Variants in PALB2 observed in about 807,000 individuals in gnomAD.
The protein encoded by PALB2 is mutant partner and localizer of BRCA2.
PALB2 carries 82 observed loss-of-function variants against 107.4 expected under a neutral mutation model. That is an observed-to-expected ratio of 0.76 (90% CI 0.64 to 0.92). The LOEUF is 0.92. Ranked by LOEUF, PALB2 falls within the 40% of genes least tolerant of loss-of-function variation. The pLI, the probability that PALB2 is intolerant of heterozygous loss-of-function variation, is 0.00. For missense variants in PALB2, 1,374 were observed against 1,379.9 expected, an observed-to-expected ratio of 1.00 and a Z score of 0.07; for synonymous variants, 489 against 496.8, an observed-to-expected ratio of 0.98 and a Z score of 0.21.
At position 23,603,567 on chromosome 16, in the gene PALB2, G is replaced by C. The variant is rs777315394; in HGVS notation, c.3453C>G (p.Leu1151=). 1 of 1,613,970 alleles carries C rather than the reference G, an allele frequency of 6.2e-7. No individual in the cohort carries two copies. Among genetic ancestry groups the C allele is most frequent in the African/African-American group, 1.3e-5 (1 of 74,908 alleles). Residue 1151 remains leucine (L), a synonymous_variant, in exon 13 of 13, where the codon CTC becomes CTG. Coordinates refer to ENST00000261584, the MANE Select transcript of PALB2 (RefSeq NM_024675.4). ...DLLLGQCTAL[L]PPVSDQHWSF... ...ACCAATGTTGGTCAGAGACAGGTGG[G>C]AGGAGGGCAGTACACTGACCGAGAA... is the stretch of plus-strand genomic sequence containing the variant.
rs988399385 is a variant in PALB2, at chr16:23,641,266, C to T, written c.-109G>A. ...AGGCGCCCCAGGAAGGAATGGGGAG[C>T]CCGGGATCGCACCCTCAGTGCGCGA... On this transcript the variant is annotated 5_prime_UTR_variant, in exon 1 of 13. Transcript: ENST00000261584. 9 of 1,404,124 alleles carry T rather than the reference C, an allele frequency of 6.4e-6. No homozygotes were observed. The African/African-American group carries it at 1.3e-4, about 20-fold the overall frequency. 87.0% of individuals were successfully genotyped at this position (1,404,124 alleles called of 1,614,324 possible).
intron 6 of PALB2, among the ~76,000 whole-genome samples, chr16:23,628,575 T>C (rs1377133098): frequency 6.6e-6 from 1 of 152,204 alleles, no homozygotes; most frequent in Non-Finnish European, 1.5e-5. Context: ...CCAGAAACAT[T>C]ACACCATTTG....
intron 10 of PALB2, among the ~76,000 whole-genome samples, chr16:23,615,209 A>C (rs933040427): frequency 1.3e-5 from 2 of 151,938 alleles, no homozygotes; most frequent in Admixed American, 6.6e-5. Context: ...TCGGCCTCCC[A>C]AAGTGCTGGG....
At position 23,634,569 on chromosome 16, in the gene PALB2, T is replaced by C. The variant is rs1966935277; in HGVS notation, c.1684+293A>G. On this transcript the variant is annotated intron_variant, in intron 4 of 12. Coordinates refer to ENST00000261584, the MANE Select transcript of PALB2 (RefSeq NM_024675.4). ...TGGGAGGCTGAGGCAGGAGGAACAT[T>C]TGAGCCCAGGAGATAGAGGCTGCAC... Among the ~76,000 whole-genome samples, 3 of 152,272 alleles carry C rather than the reference T, an allele frequency of 2.0e-5. 1 individual carries two copies. The highest frequency in any genetic ancestry group is 4.1e-4 in the South Asian group (2 of 4,822).
intron 4 of PALB2, among the ~76,000 whole-genome samples, chr16:23,631,016 C>T (rs1199114540): frequency 6.6e-6 from 1 of 150,522 alleles, no homozygotes; most frequent in Non-Finnish European, 1.5e-5. Flanking sequence ...GTAGTCTCAG[C>T]ACTTTCAGAG....
intron 6 of PALB2, among the ~76,000 whole-genome samples, chr16:23,626,697 C>T (rs2142358532): frequency 6.6e-6 from 1 of 152,226 alleles, no homozygotes; most frequent in East Asian, 1.9e-4. Flanking sequence ...TCTCGGCTTA[C>T]TGCAACCTTC....
intron 4 of PALB2, among the ~76,000 whole-genome samples, chr16:23,631,990 C>G (rs761141536): frequency 6.6e-6 from 1 of 152,132 alleles, no homozygotes; most frequent in African/African-American, 2.4e-5. Flanking sequence ...ATTTACCGCT[C>G]TTATTGCAAA....
At chr16:23,618,094 T>C (rs1207098200) in intron 10 of PALB2, among the ~76,000 whole-genome samples, 3 of 151,596 alleles carry the variant, frequency 2.0e-5, no homozygotes, top group African/African-American at 7.3e-5. Flanking sequence ...TGCCAAGGAG[T>C]TCAAGACCAG....
chr16:23,635,722 G>A lies in PALB2; in HGVS notation c.824C>T (p.Thr275Ile), dbSNP rs786202499. The change falls in exon 4 of 13, where the codon ACT becomes ATT. Residue 275 changes from threonine to isoleucine, a missense_variant. By Grantham distance (89) the Thr-to-Ile change is moderately conservative (BLOSUM62 -1). Transcript: ENST00000261584. ...AAATCTAATGTTTTTTAGGTCGTGA[G>A]TAGTAAGTTCACTGCTACCTTTAGG... ...IPPKGSSELT[T>I]HDLKNIRFTS... is the part of the protein sequence containing the mutation. 9 of 1,614,056 alleles carry A rather than the reference G, an allele frequency of 5.6e-6. No homozygotes were observed. Among genetic ancestry groups the A allele is most frequent in the Non-Finnish European group, 7.6e-6 (9 of 1,180,044 alleles).
chr16:23,624,077 T>C lies in PALB2; in HGVS notation c.2766A>G (p.Ile922Met), dbSNP rs1597082882. Residue 922 changes from isoleucine to methionine, a missense_variant, in exon 8 of 13, where the codon ATA becomes ATG. Coordinates refer to ENST00000261584, the MANE Select transcript of PALB2 (RefSeq NM_024675.4). ...WHFAEVPVLQ[I>M]VPVPDVYNLV... ...GATTATACACATCAGGCACTGGAAC[T>C]ATCTGTAATACTGGAACCTAAATAA... 1 of 1,607,032 alleles carries C rather than the reference T, an allele frequency of 6.2e-7. No homozygotes were observed. Among genetic ancestry groups the C allele is most frequent in the Non-Finnish European group, 8.5e-7 (1 of 1,173,802 alleles).
At chr16:23,627,763 G>A (rs1288844887) in intron 6 of PALB2, among the ~76,000 whole-genome samples, 1 of 152,156 alleles carries the variant, frequency 6.6e-6, no homozygotes, top group Non-Finnish European at 1.5e-5. Flanking sequence ...GAAGACCCAC[G>A]TAATGGCCAA....
chr16:23,609,774 C>A (rs1360093197), intron 11 of PALB2, among the ~76,000 whole-genome samples: 3 of 152,180 alleles, frequency 2.0e-5, no homozygotes, highest in Non-Finnish European at 2.9e-5. Context: ...CCTTAGCCTC[C>A]CAAAGTGCTG....
Position 23,612,182 on chromosome 16 carries a change from C to A in PALB2, c.3201+1822G>T, listed in dbSNP as rs567186883. Among the ~76,000 whole-genome samples the A allele has an allele frequency of 5.3e-5, 8 of 152,324 alleles. 1 individual carries two copies. The East Asian group carries it at 1.4e-3, about 26-fold the overall frequency. On this transcript the variant is annotated intron_variant, in intron 11 of 12. Coordinates refer to ENST00000261584, the MANE Select transcript of PALB2 (RefSeq NM_024675.4). The stretch of plus-strand genomic sequence containing the variant: ...GTTATTCATTACTCCTAGACAACTA[C>A]TTTCCCACTGTAACTAGATTGTGAG...
rs574407498 is a variant in PALB2 at position 23,636,759 on chromosome 16, C to T, written c.212-425G>A. 3.3e-5 allele frequency among the ~76,000 whole-genome samples: 5 copies of T among 152,294 alleles called. No individual in the cohort carries two copies. In the East Asian group the frequency reaches 9.6e-4, roughly 29 times the overall value. ...CAATCTCTTCTCTTAACTTCTAAAT[C>T]TCAACTAGTTTTCTATCTCATGTAT... On this transcript the variant is annotated intron_variant, in intron 3 of 12. Transcript: ENST00000261584.
chr16:23,623,808 T>G (rs1378006835), intron 8 of PALB2: 1 of 566,628 alleles, frequency 1.8e-6, no homozygotes, highest in African/African-American at 1.9e-5. Flanking sequence ...CGTGAGCCAC[T>G]GCGCCCAGCC....
intron 9 of PALB2, among the ~76,000 whole-genome samples, chr16:23,622,516 T>G (rs938955942): frequency 1.3e-5 from 2 of 151,990 alleles, no homozygotes; most frequent in Admixed American, 6.6e-5. Context: ...CACCTCAGAC[T>G]CCCTAGTAGC....
rs775325716 is a variant in PALB2 at position 23,641,193 on chromosome 16, C to G, written c.-36G>C. 4.4e-6 allele frequency: 7 copies of G among 1,605,606 alleles called. No homozygotes were observed. Among genetic ancestry groups the G allele is most frequent in the Non-Finnish European group, 5.9e-6 (7 of 1,176,980 alleles). The stretch of plus-strand genomic sequence containing the variant: ...ACAGAACGAAAAGAGCAGCCGTCGC[C>G]GACCCCAGGCCTGCCGACACCGGGA... On this transcript the variant is annotated 5_prime_UTR_variant, in exon 1 of 13. Coordinates refer to ENST00000261584, the MANE Select transcript of PALB2 (RefSeq NM_024675.4).
At chr16:23,632,286 A>G (rs1028379163) in intron 4 of PALB2, among the ~76,000 whole-genome samples, 1 of 152,130 alleles carries the variant, frequency 6.6e-6, no homozygotes, top group Non-Finnish European at 1.5e-5. Flanking sequence ...TCTACTAAAA[A>G]TACAAAAATT....
At chr16:23,640,611 T>C (rs1048356185) in intron 1 of PALB2, 5 of 233,932 alleles carry the variant, frequency 2.1e-5, no homozygotes, top group Non-Finnish European at 4.2e-5. Flanking sequence ...TAGATAAACA[T>C]GTCCTGACAG....
Sources: allele counts gnomAD v4.1 joint callset (sites outside exome capture counted in the v4.1 genomes callset), GRCh38; gene constraint gnomAD v4.1.1; transcripts MANE v1.5; gene names NCBI Gene and HGNC (gene_info 2026-07-23, HGNC 2026-07-21).